The following INSL6 variants were observed in gnomAD, a reference collection of about 807,000 sequenced individuals.
The protein encoded by INSL6 is insulin-like peptide INSL6.
Under a neutral mutation model 9.4 loss-of-function variants are expected in INSL6, and 16 were observed. The ratio of observed to expected loss-of-function variants is 1.70; its 90% CI spans 1.15 to 2.59. The LOEUF (loss-of-function observed/expected upper bound fraction) is 2.59, where lower values mean the gene tolerates loss of function less well. INSL6 is among the 30% of genes most tolerant of loss of function. INSL6 has a pLI of 0.00. For synonymous variants in INSL6, 154 were observed against 96.9 expected, an observed-to-expected ratio of 1.59 and a Z score of -3.46; for missense variants, 391 against 257.3, an observed-to-expected ratio of 1.52 and a Z score of -3.56.
intron 3 of INSL6, among the ~76,000 whole-genome samples, chr9:5,125,777 T>G (rs980292501): frequency 1.3e-5 from 2 of 151,586 alleles, no homozygotes; most frequent in Admixed American, 1.3e-4. Context: ...AGGGTGGGTA[T>G]GTATATATGT....
the INSL6 span, among the ~76,000 whole-genome samples, chr9:5,047,852 C>T: frequency 5.3e-5 from 8 of 152,224 alleles, no homozygotes; most frequent in South Asian, 1.7e-3. Flanking sequence ...CCTCCTACCT[C>T]AGCCTCCCAA....
At chr9:5,146,254 G>A (rs1357537139) in intron 2 of INSL6, among the ~76,000 whole-genome samples, 2 of 152,168 alleles carry the variant, frequency 1.3e-5, no homozygotes, top group African/African-American at 4.8e-5. Context: ...TGTGTGCTCT[G>A]AGAGACTTGA....
intron 2 of INSL6, among the ~76,000 whole-genome samples, chr9:5,142,969 T>G (rs1352798246): frequency 6.6e-6 from 1 of 152,228 alleles, no homozygotes; most frequent in Non-Finnish European, 1.5e-5. Context: ...GTGGTTTTTA[T>G]CTTTAGCTCT....
intron 2 of INSL6, among the ~76,000 whole-genome samples, chr9:5,154,700 T>G (rs13285894): frequency 6.6e-6 from 1 of 152,204 alleles, no homozygotes; most frequent in Admixed American, 6.5e-5. Context: ...AAGACATTTA[T>G]GCAGCCAAAA....
the INSL6 span, among the ~76,000 whole-genome samples, chr9:5,064,109 T>G: frequency 6.6e-6 from 1 of 152,098 alleles, no homozygotes; most frequent in African/African-American, 2.4e-5. Flanking sequence ...TGAGCCAAGA[T>G]CGCGCCATTG....
chr9:5,084,015 A>G, the INSL6 span, among the ~76,000 whole-genome samples: 1 of 152,136 alleles, frequency 6.6e-6, no homozygotes, highest in Non-Finnish European at 1.5e-5. Context: ...TAATTTATTT[A>G]CAACATTCCC....
chr9:5,159,495 G>C (rs1164088154), downstream of INSL6, among the ~76,000 whole-genome samples: 1 of 151,922 alleles, frequency 6.6e-6, no homozygotes, highest in African/African-American at 2.4e-5. Flanking sequence ...AAACAAGCAG[G>C]AGTGACTCTA....
the INSL6 span, among the ~76,000 whole-genome samples, chr9:5,056,413 C>G: frequency 6.6e-6 from 1 of 152,022 alleles, no homozygotes; most frequent in Non-Finnish European, 1.5e-5. Context: ...CCCTTCCTGG[C>G]TTAAACTAGT....
At chr9:5,042,240 C>T in the INSL6 span, among the ~76,000 whole-genome samples, 1 of 151,476 alleles carries the variant, frequency 6.6e-6, no homozygotes, top group Non-Finnish European at 1.5e-5. Flanking sequence ...CGGGTTCCCG[C>T]CATTCTCCTG....
chr9:5,169,064 T>C (rs367651981), intron 1 of INSL6, among the ~76,000 whole-genome samples: 2 of 152,034 alleles, frequency 1.3e-5, no homozygotes, highest in African/African-American at 4.8e-5. Flanking sequence ...GTCCCTGGGA[T>C]TAGAGGCATG....
At chr9:5,150,880 C>CACAT (rs1554689978) in intron 2 of INSL6, among the ~76,000 whole-genome samples, 18 of 147,844 alleles carry the variant, frequency 1.2e-4, no homozygotes, top group African/African-American at 4.0e-4. Context: ...CACACACACA[C>CACAT]ATCATGGAAT....
At chr9:5,149,199 G>A (rs572289045) in intron 2 of INSL6, among the ~76,000 whole-genome samples, 72 of 152,354 alleles carry the variant, frequency 4.7e-4, no homozygotes, top group African/African-American at 1.4e-3. Context: ...GGTACATGGC[G>A]AGAGTGCCTT....
the INSL6 span, among the ~76,000 whole-genome samples, chr9:5,030,651 C>T: frequency 6.6e-6 from 1 of 152,018 alleles, no homozygotes; most frequent in Non-Finnish European, 1.5e-5. Flanking sequence ...CATAAGCTTG[C>T]CTCTTAATCA....
the INSL6 span, among the ~76,000 whole-genome samples, chr9:5,101,327 G>A: frequency 2.5e-4 from 38 of 152,246 alleles, no homozygotes; most frequent in Middle Eastern, 3.2e-3. Flanking sequence ...CCTGGCAGGC[G>A]GAGGGGCGTC....
downstream of INSL6, among the ~76,000 whole-genome samples, chr9:5,119,393 A>G (rs1823445970): frequency 6.6e-6 from 1 of 152,062 alleles, no homozygotes; most frequent in Non-Finnish European, 1.5e-5. Context: ...ATGCACTTTC[A>G]TGTATAATTT....
At chr9:5,172,570 G>A (rs1032861857) in intron 1 of INSL6, among the ~76,000 whole-genome samples, 2 of 152,222 alleles carry the variant, frequency 1.3e-5, no homozygotes, top group Admixed American at 6.5e-5. Context: ...ATTTAACGAA[G>A]GTCTAATATC....
chr9:5,094,837 C>G, the INSL6 span: 22 of 152,156 alleles, frequency 1.4e-4, no homozygotes, highest in Admixed American at 1.4e-3. Context: ...AACTCTGTAC[C>G]ATAAATTTCA....
the INSL6 span, among the ~76,000 whole-genome samples, chr9:5,105,569 A>C: frequency 6.6e-6 from 1 of 152,212 alleles, no homozygotes; most frequent in Non-Finnish European, 1.5e-5. Flanking sequence ...AACTACTTTC[A>C]AGTTCATATG....
the INSL6 span, among the ~76,000 whole-genome samples, chr9:5,042,569 GTAGTGGGAT>G: frequency 6.6e-6 from 1 of 152,084 alleles, no homozygotes; most frequent in African/African-American, 2.4e-5. Context: ...GCTGAAGTGA[GTAGTGGGAT>G]CCTGGAGGCC....
Sources: gnomAD v4.1 joint callset for allele counts (sites outside exome capture counted in the v4.1 genomes callset) on GRCh38, gnomAD v4.1.1 for gene constraint, MANE v1.5 for transcripts, NCBI Gene and HGNC (gene_info 2026-07-23, HGNC 2026-07-21) for gene names.